ICA1: variants seen among roughly 807,000 people sequenced by gnomAD.
The protein encoded by ICA1 is islet cell autoantigen 1.
ICA1 carries 40 observed loss-of-function variants against 71.0 expected under a neutral mutation model. The observed-to-expected ratio is 0.56, with a 90% confidence interval of 0.44 to 0.73. The LOEUF is 0.73. Ranked by LOEUF, ICA1 falls within the 30% of genes least tolerant of loss-of-function variation. The probability of loss-of-function intolerance (pLI) is 0.00; values close to 1 mark genes in which losing one functional copy is unlikely to be tolerated. For synonymous variants in ICA1, 207 were observed against 209.5 expected, an observed-to-expected ratio of 0.99 and a Z score of 0.10; for missense variants, 578 against 576.5, an observed-to-expected ratio of 1.00 and a Z score of -0.03.
At chr7:8,172,720 A>G (rs535514271) in intron 6 of ICA1, among the ~76,000 whole-genome samples, 7 of 152,188 alleles carry the variant, frequency 4.6e-5, no homozygotes, top group Non-Finnish European at 8.8e-5. Flanking sequence ...TTAAGAACAC[A>G]GTTTAATTTA....
Position 8,201,087 on chromosome 7 carries a change from T to C in ICA1, c.579+17218A>G, listed in dbSNP as rs185441483. Among the ~76,000 whole-genome samples the C allele has an allele frequency of 3.0e-3, 450 of 152,326 alleles. 11 individuals carry two copies. Among genetic ancestry groups the C allele is most frequent in the Non-Finnish European group, 1.3e-3 (88 of 68,030 alleles). On this transcript the variant is annotated intron_variant, in intron 6 of 13. Coordinates refer to ENST00000402384, the MANE Select transcript of ICA1 (RefSeq NM_001136020.3). ...GTCATAGAAAATTGGGGCAATATTT[T>C]TGTAATATATCAACGTGGTTTTCTA...
chr7:8,154,251 A>G (rs543986407), intron 8 of ICA1, among the ~76,000 whole-genome samples: 58 of 152,320 alleles, frequency 3.8e-4, no homozygotes, highest in South Asian at 1.9e-3. Flanking sequence ...AACTTTGTAA[A>G]AGAATTATAA....
rs766727658 is a variant in ICA1 at position 8,221,338 on chromosome 7, T to C, written c.317A>G (p.Lys106Arg). 3 of 1,613,808 alleles carry C rather than the reference T, an allele frequency of 1.9e-6. No individual in the cohort carries two copies. The highest frequency in any genetic ancestry group is 2.5e-6 in the Non-Finnish European group (3 of 1,179,768). The change falls in exon 5 of 14, where the codon AAA (lysine) becomes AGA (arginine). Residue 106 changes from lysine (K) to arginine (R), a missense_variant. Coordinates refer to ENST00000402384, the MANE Select transcript of ICA1 (RefSeq NM_001136020.3). ...TTGCATCATCTTTCCTGCTCTGGTT[T>C]TATCTTGGAAACCTTGGGATCGAAG... is the stretch of plus-strand genomic sequence containing the variant. The part of the protein sequence containing the change: ...KFLRSQGFQD[K>R]TRAGKMMQAT...
chr7:8,148,036 T>G (rs1430091884), intron 8 of ICA1, among the ~76,000 whole-genome samples: 1 of 152,144 alleles, frequency 6.6e-6, no homozygotes, highest in African/African-American at 2.4e-5. Context: ...CGGTGCGACC[T>G]GCTACGGGGT....
intron 5 of ICA1, 43 bp from the exon 6 acceptor site, chr7:8,218,546 G>A: frequency 6.5e-7 from 1 of 1,537,580 alleles, no homozygotes; most frequent in Non-Finnish European, 9.0e-7. Context: ...CTAAGCCAGT[G>A]AGCAATTTAA....
intron 1 of ICA1, chr7:8,261,868 C>T (rs1490004840): frequency 1.3e-5 from 2 of 152,298 alleles, no homozygotes; most frequent in African/African-American, 2.4e-5. Flanking sequence ...GCGCATCCTC[C>T]AGACCTTCCC....
intron 6 of ICA1, among the ~76,000 whole-genome samples, chr7:8,161,646 C>A (rs1189081805): frequency 6.6e-6 from 1 of 152,104 alleles, no homozygotes; most frequent in East Asian, 1.9e-4. Flanking sequence ...GGGTGAGAAA[C>A]ATATGCATGC....
chr7:8,235,160 T>G (rs1217469467), intron 2 of ICA1, among the ~76,000 whole-genome samples: 6 of 150,120 alleles, frequency 4.0e-5, no homozygotes, highest in African/African-American at 1.5e-4. Context: ...TGAGACTCCA[T>G]CTCAAAAAAA....
At chr7:8,240,868 A>G (rs112082431) in intron 1 of ICA1, among the ~76,000 whole-genome samples, 5,433 of 152,322 alleles carry the variant, frequency 0.036, 179 homozygotes, top group African/African-American at 0.085. Flanking sequence ...TTAGAGAAAA[A>G]AGAGTAAAAA....
At chr7:8,115,178 A>G (rs1006222885) in intron 13 of ICA1, among the ~76,000 whole-genome samples, 2 of 152,224 alleles carry the variant, frequency 1.3e-5, no homozygotes, top group Admixed American at 1.3e-4. Flanking sequence ...ATGTATCTAC[A>G]TGTAAAAATC....
At chr7:8,141,351 T>C (rs1437494708) in intron 10 of ICA1, among the ~76,000 whole-genome samples, 2 of 152,184 alleles carry the variant, frequency 1.3e-5, no homozygotes, top group East Asian at 3.8e-4. Flanking sequence ...GTTTCCAACA[T>C]TGACAAACAT....
chr7:8,243,821 C>T (rs1323878352), intron 1 of ICA1, among the ~76,000 whole-genome samples: 1 of 152,138 alleles, frequency 6.6e-6, no homozygotes, highest in Non-Finnish European at 1.5e-5. Flanking sequence ...TTCACAATTG[C>T]TACGAAGAGA....
intron 6 of ICA1, among the ~76,000 whole-genome samples, chr7:8,161,919 T>C (rs1215532162): frequency 6.6e-6 from 1 of 152,234 alleles, no homozygotes; most frequent in Admixed American, 6.5e-5. Flanking sequence ...ACAACTGATA[T>C]AAACTGTAAG....
Position 8,228,621 on chromosome 7 carries a change from A to G in ICA1, c.236T>C (p.Leu79Pro). The G allele has an allele frequency of 6.3e-7, 1 of 1,595,570 alleles. No homozygotes were observed. The highest frequency in any genetic ancestry group is 8.6e-7 in the Non-Finnish European group (1 of 1,169,272). ...CTTACAACATATCCTCTTTTGATAG[A>G]GTACAATTGCTTTCGATAAGTCCAG... Reference protein sequence around the residue: ...TCLDLSKAIVLYQKRICFLSQ... With the variant: ...TCLDLSKAIVPYQKRICFLSQ... Residue 79 changes from leucine to proline, a missense_variant, in exon 4 of 14, where the codon CTC becomes CCC. Leu to Pro is a moderately conservative substitution (Grantham distance 98). Transcript: ENST00000402384.
chr7:8,147,856 A>T (rs1797574886), intron 8 of ICA1, among the ~76,000 whole-genome samples: 1 of 151,998 alleles, frequency 6.6e-6, no homozygotes, highest in South Asian at 2.1e-4. Context: ...AAAAAAATGG[A>T]TTTCCTGGCT....
At chr7:8,170,105 C>T (rs768462925) in intron 6 of ICA1, among the ~76,000 whole-genome samples, 7 of 151,926 alleles carry the variant, frequency 4.6e-5, no homozygotes, top group Non-Finnish European at 7.4e-5. Flanking sequence ...TTCCTCAATA[C>T]GGATACCCAA....
At chr7:8,248,741 A>T (rs761580946) in intron 1 of ICA1, among the ~76,000 whole-genome samples, 18 of 152,180 alleles carry the variant, frequency 1.2e-4, no homozygotes, top group Admixed American at 3.9e-4. Context: ...GAAAGAAAAG[A>T]AAATACACAC....
chr7:8,157,253 GC>G (rs1395654824), intron 7 of ICA1, 39 bp from the exon 8 acceptor site: 1 of 1,544,244 alleles, frequency 6.5e-7, no homozygotes, highest in Non-Finnish European at 8.7e-7. Flanking sequence ...TGTTTTGAAT[GC>G]CCAGTTCTAG....
chr7:8,158,801 C>T, intron 6 of ICA1, 149 bp from the exon 7 acceptor site: 1 of 730,990 alleles, frequency 1.4e-6, no homozygotes, highest in East Asian at 2.7e-5. Flanking sequence ...GTTACAACAT[C>T]CATTCTTTAC....
Sources: gnomAD v4.1 joint callset for allele counts (sites outside exome capture counted in the v4.1 genomes callset) on GRCh38, gnomAD v4.1.1 for gene constraint, MANE v1.5 for transcripts, NCBI Gene and HGNC (gene_info 2026-07-23, HGNC 2026-07-21) for gene names.